Variants in CEP112 observed in about 807,000 individuals in gnomAD.
The protein encoded by CEP112 is centrosomal protein of 112 kDa.
CEP112 carries 127 observed loss-of-function variants against 153.0 expected under a neutral mutation model. The ratio of observed to expected loss-of-function variants is 0.83; its 90% confidence interval spans 0.72 to 0.96. CEP112 has a LOEUF of 0.96. CEP112 is among the 40% of genes least tolerant of loss of function. The probability of loss-of-function intolerance (pLI) is 0.00; values close to 1 mark genes in which losing one functional copy is unlikely to be tolerated. For missense variants in CEP112, 1,089 were observed against 1,101.2 expected (o/e 0.99, Z 0.16); for synonymous variants, 358 against 374.4 (o/e 0.96, Z 0.51).
At chr17:66,110,636 T>C (rs549469941) in intron 6 of CEP112, among the ~76,000 whole-genome samples, 5 of 151,682 alleles carry the variant, frequency 3.3e-5, no homozygotes, top group Admixed American at 3.3e-4. Flanking sequence ...AAGAATGATG[T>C]TATGGCCTCA....
chr17:66,049,695 G>A (rs2066359579), intron 12 of CEP112, among the ~76,000 whole-genome samples: 1 of 152,230 alleles, frequency 6.6e-6, no homozygotes, highest in Non-Finnish European at 1.5e-5. Context: ...AGGCTGCAGT[G>A]AGCTGAGATT....
At chr17:65,945,607 A>G (rs2061626250) in intron 18 of CEP112, among the ~76,000 whole-genome samples, 1 of 151,892 alleles carries the variant, frequency 6.6e-6, no homozygotes, top group South Asian at 2.1e-4. Flanking sequence ...TTGTGGTTTT[A>G]TTTTTGCATT....
chr17:65,914,212 T>C (rs1019839722), intron 19 of CEP112, among the ~76,000 whole-genome samples: 1 of 151,288 alleles, frequency 6.6e-6, no homozygotes, highest in Non-Finnish European at 1.5e-5. Flanking sequence ...TTTTACTTTA[T>C]GTGTTTCTCT....
At chr17:65,992,955 C>T (rs1040394911) in intron 17 of CEP112, among the ~76,000 whole-genome samples, 22 of 151,824 alleles carry the variant, frequency 1.4e-4, no homozygotes, top group Admixed American at 5.2e-4. Context: ...CTTTTAAGTT[C>T]GAGGGTACAT....
intron 20 of CEP112, among the ~76,000 whole-genome samples, chr17:65,858,967 G>T (rs2146368289): frequency 6.6e-6 from 1 of 152,244 alleles, no homozygotes; most frequent in African/African-American, 2.4e-5. Flanking sequence ...AATGTAAAAA[G>T]TGTCAAAAGT....
intron 6 of CEP112, among the ~76,000 whole-genome samples, chr17:66,115,731 T>G (rs1170322870): frequency 6.6e-6 from 1 of 152,202 alleles, no homozygotes; most frequent in African/African-American, 2.4e-5. Context: ...AAACCTCTAA[T>G]TTTAGTCATT....
At chr17:66,025,697 T>C (rs551191772) in intron 16 of CEP112, among the ~76,000 whole-genome samples, 2 of 152,120 alleles carry the variant, frequency 1.3e-5, no homozygotes, top group Admixed American at 6.6e-5. Flanking sequence ...AACACTCTGC[T>C]GGTGGGAATG....
At chr17:65,786,078 AG>A (rs1253736676) in intron 21 of CEP112, among the ~76,000 whole-genome samples, 2 of 152,160 alleles carry the variant, frequency 1.3e-5, no homozygotes, top group African/African-American at 4.8e-5. Flanking sequence ...TCATTTATTT[AG>A]ATTTTAATTT....
At chr17:65,803,572 C>A (rs1231329152) in intron 21 of CEP112, among the ~76,000 whole-genome samples, 1 of 152,120 alleles carries the variant, frequency 6.6e-6, no homozygotes, top group Non-Finnish European at 1.5e-5. Flanking sequence ...TCTCCAAATA[C>A]CTTAGGTGTT....
intron 21 of CEP112, among the ~76,000 whole-genome samples, chr17:65,790,374 G>A (rs1356644695): frequency 6.6e-6 from 1 of 152,132 alleles, no homozygotes; most frequent in Non-Finnish European, 1.5e-5. Flanking sequence ...GGAAAAAGGT[G>A]AGCAGTAACT....
intron 23 of CEP112, among the ~76,000 whole-genome samples, chr17:65,707,423 C>G (rs374713917): frequency 1.3e-5 from 2 of 152,286 alleles, no homozygotes; most frequent in East Asian, 1.9e-4. Context: ...CCCATACATT[C>G]TACACGTCAG....
intron 20 of CEP112, among the ~76,000 whole-genome samples, chr17:65,870,034 A>AAAGG (rs2058607314): frequency 1.4e-5 from 1 of 70,598 alleles, no homozygotes; most frequent in African/African-American, 3.9e-5. Flanking sequence ...AGAAAGAAAG[A>AAAGG]AAGAAAGAAA....
At chr17:65,978,917 A>T (rs1019757107) in intron 17 of CEP112, among the ~76,000 whole-genome samples, 1 of 152,216 alleles carries the variant, frequency 6.6e-6, no homozygotes, top group Non-Finnish European at 1.5e-5. Flanking sequence ...TTCTCTAAAG[A>T]CATATCTACA....
At chr17:65,988,553 G>A (rs1029728089) in intron 17 of CEP112, among the ~76,000 whole-genome samples, 1 of 151,924 alleles carries the variant, frequency 6.6e-6, no homozygotes, top group Admixed American at 6.6e-5. Context: ...TAAATTATCA[G>A]AGAAATCTAA....
rs528556090 is a variant in CEP112, at chr17:66,065,365, C to T, written c.955+1413G>A. Among the ~76,000 whole-genome samples the T allele has an allele frequency of 2.6e-5, 4 of 152,252 alleles. No homozygotes were observed. The East Asian group carries it at 7.7e-4, about 29-fold the overall frequency. ...CTGGTAACAGAGCTGGAATTACAGC[C>T]TATGTTTTCTAATAAGTAGAATTCT... is the stretch of plus-strand genomic sequence containing the variant. On this transcript the variant is annotated intron_variant, in intron 10 of 26. Coordinates refer to ENST00000535342, the MANE Select transcript of CEP112 (RefSeq NM_001199165.4).
chr17:66,185,487 C>T (rs1201098591), intron 1 of CEP112, among the ~76,000 whole-genome samples: 1 of 152,216 alleles, frequency 6.6e-6, no homozygotes, highest in African/African-American at 2.4e-5. Flanking sequence ...TCCCAAAGTG[C>T]TGGCATTACA....
intron 24 of CEP112, among the ~76,000 whole-genome samples, chr17:65,677,144 A>G (rs1056044268): frequency 6.6e-6 from 1 of 152,232 alleles, no homozygotes; most frequent in Non-Finnish European, 1.5e-5. Flanking sequence ...CGTGCTCTTT[A>G]CCTCCTATTT....
At chr17:65,786,040 T>C (rs2054259183) in intron 21 of CEP112, among the ~76,000 whole-genome samples, 2 of 152,220 alleles carry the variant, frequency 1.3e-5, no homozygotes, top group African/African-American at 2.4e-5. Flanking sequence ...AACGTTAAGT[T>C]TTCTGATCTG....
chr17:65,956,808 CATAAAA>C (rs1599140260), intron 18 of CEP112, among the ~76,000 whole-genome samples: 1 of 152,022 alleles, frequency 6.6e-6, no homozygotes, highest in Non-Finnish European at 1.5e-5. Context: ...AAAATATATA[CATAAAA>C]ATAAAAATGT....
Sources: allele counts gnomAD v4.1 joint callset (sites outside exome capture counted in the v4.1 genomes callset), GRCh38; gene constraint gnomAD v4.1.1; transcripts MANE v1.5; gene names NCBI Gene and HGNC (gene_info 2026-07-23, HGNC 2026-07-21).